The following AFAP1L2 variants were observed in gnomAD, a reference collection of about 807,000 sequenced individuals.
AFAP1L2 encodes actin filament associated protein 1 like 2.
Under a neutral mutation model 99.3 loss-of-function variants are expected in AFAP1L2, and 46 were observed. The observed-to-expected ratio is 0.46, with a 90% confidence interval of 0.37 to 0.59. The LOEUF (loss-of-function observed/expected upper bound fraction) is 0.59. AFAP1L2 is among the 20% of genes least tolerant of loss of function. The pLI is 0.00. For synonymous variants in AFAP1L2, 397 were observed against 419.1 expected, an observed-to-expected ratio of 0.95 and a Z score of 0.64; for missense variants, 959 against 1,034.9, an observed-to-expected ratio of 0.93 and a Z score of 1.01.
downstream of AFAP1L2, among the ~76,000 whole-genome samples, chr10:114,293,725 T>A (rs1249437320): frequency 6.6e-6 from 1 of 152,224 alleles, no homozygotes; most frequent in East Asian, 1.9e-4. Flanking sequence ...CGATCCTGAT[T>A]CCAGTCATCT....
intron 4 of AFAP1L2, among the ~76,000 whole-genome samples, chr10:114,330,606 T>C (rs890362751): frequency 1.3e-5 from 2 of 152,152 alleles, no homozygotes; most frequent in Non-Finnish European, 2.9e-5. Flanking sequence ...GAGACAGATG[T>C]GAGCATTTCT....
intron 10 of AFAP1L2, among the ~76,000 whole-genome samples, chr10:114,306,690 G>A (rs1389577952): frequency 6.6e-6 from 1 of 151,964 alleles, no homozygotes; most frequent in Non-Finnish European, 1.5e-5. Flanking sequence ...TGAGAGGTGG[G>A]ATCTCAGATC....
the AFAP1L2 span, chr10:114,281,293 T>A: frequency 6.6e-6 from 1 of 152,204 alleles, no homozygotes; most frequent in African/African-American, 2.4e-5. Flanking sequence ...TGCCCCCAGA[T>A]GAGGAACCGC....
At chr10:114,405,054 G>T (rs1438000959), upstream of AFAP1L2, among the ~76,000 whole-genome samples, 1 of 152,242 alleles carries the variant, frequency 6.6e-6, no homozygotes, top group East Asian at 1.9e-4. Flanking sequence ...GTTCTTTGGG[G>T]ATTGCTCCCA....
the AFAP1L2 span, chr10:114,285,004 T>G: frequency 6.6e-7 from 1 of 1,508,064 alleles, no homozygotes; most frequent in South Asian, 1.3e-5. Flanking sequence ...GACTGACCAC[T>G]GGGGAGCAAG....
At chr10:114,400,497 T>C (rs986536869) in intron 1 of AFAP1L2, among the ~76,000 whole-genome samples, 1 of 152,214 alleles carries the variant, frequency 6.6e-6, no homozygotes, top group East Asian at 1.9e-4. Context: ...AGATCGTTTT[T>C]AAGCAACGTT....
chr10:114,323,605 G>A (rs2045737002), intron 4 of AFAP1L2, among the ~76,000 whole-genome samples: 1 of 152,136 alleles, frequency 6.6e-6, no homozygotes, highest in African/African-American at 2.4e-5. Context: ...CCGGCTGTTG[G>A]GATAGCTATT....
At chr10:114,334,573 T>C (rs1374649308) in intron 2 of AFAP1L2, among the ~76,000 whole-genome samples, 3 of 152,202 alleles carry the variant, frequency 2.0e-5, no homozygotes, top group Admixed American at 6.5e-5. Flanking sequence ...GGGGGCTGGA[T>C]ACAGCCTCAG....
chr10:114,323,043 A>G (rs1411046193), intron 5 of AFAP1L2, 128 bp downstream of exon 5: 2 of 804,742 alleles, frequency 2.5e-6, no homozygotes, highest in Non-Finnish European at 3.9e-6. Context: ...TTCCTGTCAC[A>G]GCAGCCCAGA....
At chr10:114,349,399 A>AG (rs1253900863) in intron 1 of AFAP1L2, among the ~76,000 whole-genome samples, 17,461 of 140,496 alleles carry the variant, frequency 0.12, 1,372 homozygotes, top group Non-Finnish European at 0.18. Context: ...AAAAAAAAAA[A>AG]AAAAGAAAAG....
At chr10:114,299,673 G>A (rs184328555) in intron 15 of AFAP1L2, among the ~76,000 whole-genome samples, 7 of 152,308 alleles carry the variant, frequency 4.6e-5, no homozygotes, top group South Asian at 2.1e-4. Context: ...GTCTGTGAGC[G>A]TGTTGCCAAA....
chr10:114,296,037 G>T lies in AFAP1L2; in HGVS notation c.*5C>A. On this transcript the variant is annotated 3_prime_UTR_variant, in exon 19 of 19. Transcript: ENST00000304129. ...ACATGAGAGTCTTTAGATGAAGCTT[G>T]TTTTCTAACTTGCTCCTTTCTTCTC... 6 of 1,614,110 alleles carry T rather than the reference G, an allele frequency of 3.7e-6. No individual in the cohort carries two copies. The highest frequency in any genetic ancestry group is 5.1e-6 in the Non-Finnish European group (6 of 1,179,992).
chr10:114,281,410 G>A, the AFAP1L2 span, among the ~76,000 whole-genome samples: 4 of 152,228 alleles, frequency 2.6e-5, no homozygotes, highest in African/African-American at 4.8e-5. Context: ...TTGGATCCCA[G>A]CTCTGCTGTG....
At chr10:114,369,493 G>T (rs1454039148) in intron 1 of AFAP1L2, among the ~76,000 whole-genome samples, 1 of 151,620 alleles carries the variant, frequency 6.6e-6, no homozygotes, top group Non-Finnish European at 1.5e-5. Context: ...TACTCGGGAG[G>T]CTGAGGCAGG....
At chr10:114,336,253 A>G (rs1034397798) in intron 2 of AFAP1L2, among the ~76,000 whole-genome samples, 1 of 152,238 alleles carries the variant, frequency 6.6e-6, no homozygotes, top group Admixed American at 6.5e-5. Flanking sequence ...AAAATACAGT[A>G]AACCTGGCCC....
chr10:114,303,792 C>T (rs2041648515), intron 11 of AFAP1L2, among the ~76,000 whole-genome samples: 1 of 152,304 alleles, frequency 6.6e-6, no homozygotes, highest in African/African-American at 2.4e-5. Flanking sequence ...GCCGCCCTCC[C>T]CTGAAAGCCA....
At position 114,301,360 on chromosome 10, in the gene AFAP1L2, T is replaced by C; in HGVS notation, c.1536A>G (p.Thr512=). The change falls in exon 13 of 19, where the codon ACA becomes ACG. Residue 512 remains threonine, a synonymous_variant. Transcript: ENST00000304129. ...LYDDVDLSEL[T]AAVEPTEEAT... The stretch of plus-strand genomic sequence containing the variant: ...TGCCTGGCCGGGTCCTTACCGCAGC[T>C]GTGAGCTCTGACAGGTCCACGTCGT... 1.2e-6 allele frequency: 2 copies of C among 1,613,808 alleles called. No individual in the cohort carries two copies. The highest frequency in any genetic ancestry group is 1.7e-6 in the Non-Finnish European group (2 of 1,179,656).
downstream of AFAP1L2, chr10:114,290,488 C>T (rs186751754): frequency 7.0e-5 from 95 of 1,354,914 alleles, 1 homozygote; most frequent in East Asian, 1.2e-3. Flanking sequence ...ATTATTCAGT[C>T]GTTTACCCAC....
intron 10 of AFAP1L2, among the ~76,000 whole-genome samples, chr10:114,307,155 T>C (rs58279824): frequency 0.05 from 7,634 of 152,162 alleles, 624 homozygotes; most frequent in African/African-American, 0.17. Context: ...GCTAAGGCTG[T>C]AGAGATGACC....
Sources: gnomAD v4.1 joint callset for allele counts (sites outside exome capture counted in the v4.1 genomes callset) on GRCh38, gnomAD v4.1.1 for gene constraint, MANE v1.5 for transcripts, NCBI Gene and HGNC (gene_info 2026-07-23, HGNC 2026-07-21) for gene names.